LYPD6B: variants seen among roughly 807,000 people sequenced by gnomAD.
The protein encoded by LYPD6B is LY6/PLAUR domain containing 6B.
In LYPD6B, 17 loss-of-function variants were observed where a neutral mutation model predicts 22.8. That is an observed-to-expected ratio of 0.75 (90% CI 0.51 to 1.12). The LOEUF is 1.12. Among genes scored for constraint, LYPD6B ranks in the 50% most tolerant of loss-of-function variants. The pLI, the probability that LYPD6B is intolerant of heterozygous loss-of-function variation, is 0.00. For missense variants in LYPD6B, 221 were observed against 258.3 expected (o/e 0.86, Z 0.99); for synonymous variants, 106 against 91.6 (o/e 1.16, Z -0.90).
chr2:149,113,989 G>T (rs894661134), intron 1 of LYPD6B, among the ~76,000 whole-genome samples: 1 of 152,166 alleles, frequency 6.6e-6, no homozygotes, highest in Admixed American at 6.5e-5. Flanking sequence ...ATTTGGGTAT[G>T]TGCCATTTAT....
chr2:149,189,342 T>TATATA (rs1692328364), intron 3 of LYPD6B, among the ~76,000 whole-genome samples: 1 of 66,114 alleles, frequency 1.5e-5, no homozygotes, highest in Non-Finnish European at 2.9e-5. Flanking sequence ...TTGTCCAAAA[T>TATATA]TATATATATA....
At chr2:149,205,074 G>A (rs1015729635) in intron 3 of LYPD6B, 179 bp from the exon 4 acceptor site, 68 of 611,312 alleles carry the variant, frequency 1.1e-4, no homozygotes, top group Middle Eastern at 8.8e-4. Context: ...AGTAGAAGGA[G>A]GTCATTACTT....
intron 1 of LYPD6B, among the ~76,000 whole-genome samples, chr2:149,092,217 TG>T (rs368856985): frequency 9.5e-4 from 144 of 152,058 alleles, no homozygotes; most frequent in African/African-American, 3.4e-3. Context: ...ATGTCAAAGA[TG>T]AAGACAGGGT....
chr2:149,132,743 T>C (rs182227775), intron 2 of LYPD6B, among the ~76,000 whole-genome samples: 2 of 152,338 alleles, frequency 1.3e-5, no homozygotes, highest in Admixed American at 6.5e-5. Context: ...AATGAATTGC[T>C]AGGGCTCTGC....
intron 2 of LYPD6B, among the ~76,000 whole-genome samples, chr2:149,133,385 A>G (rs985883173): frequency 5.9e-5 from 9 of 152,240 alleles, no homozygotes; most frequent in African/African-American, 2.2e-4. Flanking sequence ...TAATTAGTGG[A>G]TCTTAGTACC....
At chr2:149,160,041 C>G (rs181737827) in intron 2 of LYPD6B, among the ~76,000 whole-genome samples, 77 of 152,112 alleles carry the variant, frequency 5.1e-4, no homozygotes, top group African/African-American at 1.9e-3. Context: ...GAAGTCCCAA[C>G]TACTCAAGAG....
intron 3 of LYPD6B, among the ~76,000 whole-genome samples, chr2:149,194,305 G>C (rs1355751981): frequency 6.6e-6 from 1 of 152,108 alleles, no homozygotes; most frequent in African/African-American, 2.4e-5. Flanking sequence ...TAATACCTCT[G>C]CTAAAACAAG....
chr2:149,136,758 A>G (rs1688396237), intron 2 of LYPD6B, among the ~76,000 whole-genome samples: 1 of 152,246 alleles, frequency 6.6e-6, no homozygotes, highest in African/African-American at 2.4e-5. Flanking sequence ...AAAAATGTGA[A>G]TACTGGTCAA....
chr2:149,122,221 C>T (rs772988787), intron 1 of LYPD6B, among the ~76,000 whole-genome samples: 4 of 152,014 alleles, frequency 2.6e-5, no homozygotes, highest in Admixed American at 6.6e-5. Flanking sequence ...TCAGCACTGC[C>T]GAGATCGTGT....
At chr2:149,107,789 A>T (rs1414429377) in intron 1 of LYPD6B, among the ~76,000 whole-genome samples, 1 of 152,192 alleles carries the variant, frequency 6.6e-6, no homozygotes, top group Admixed American at 6.5e-5. Flanking sequence ...CAGAAAATAT[A>T]TTCCATCTTG....
chr2:149,137,391 T>C (rs1049319223), intron 2 of LYPD6B, among the ~76,000 whole-genome samples: 7 of 152,152 alleles, frequency 4.6e-5, no homozygotes, highest in Non-Finnish European at 7.4e-5. Flanking sequence ...CATTTAAGGG[T>C]ATATCTGGCT....
chr2:149,106,637 T>C (rs1686485927), intron 1 of LYPD6B, among the ~76,000 whole-genome samples: 1 of 152,204 alleles, frequency 6.6e-6, no homozygotes, highest in Non-Finnish European at 1.5e-5. Flanking sequence ...GTTTCCTTCC[T>C]CCTTTTTGAT....
chr2:149,075,885 C>A (rs1054592247), intron 1 of LYPD6B, among the ~76,000 whole-genome samples: 1 of 152,146 alleles, frequency 6.6e-6, no homozygotes, highest in African/African-American at 2.4e-5. Context: ...TGCTTGTGTT[C>A]GGCAGTGTTG....
chr2:149,187,627 G>A, intron 3 of LYPD6B: 2 of 1,073,548 alleles, frequency 1.9e-6, no homozygotes, highest in Non-Finnish European at 2.5e-6. Flanking sequence ...AACGTATTTA[G>A]TAACTTAAGC....
intron 1 of LYPD6B, among the ~76,000 whole-genome samples, chr2:149,070,761 A>G (rs906206660): frequency 1.3e-5 from 2 of 152,208 alleles, no homozygotes; most frequent in African/African-American, 2.4e-5. Flanking sequence ...GTTGGTAATC[A>G]TAGGAAGTAA....
chr2:149,100,216 ACCCCAGAAT>A (rs1686125755), intron 1 of LYPD6B, among the ~76,000 whole-genome samples: 1 of 151,786 alleles, frequency 6.6e-6, no homozygotes, highest in Non-Finnish European at 1.5e-5. Flanking sequence ...CCCAGGTGTA[ACCCCAGAAT>A]CCTTCTTAAC....
At chr2:149,087,007 A>G (rs560735362) in intron 1 of LYPD6B, among the ~76,000 whole-genome samples, 1 of 150,022 alleles carries the variant, frequency 6.7e-6, no homozygotes, top group Non-Finnish European at 1.5e-5. Context: ...GTAAGAAGGT[A>G]TTTTTTTTTT....
intron 1 of LYPD6B, among the ~76,000 whole-genome samples, chr2:149,104,776 C>A (rs921888717): frequency 6.6e-6 from 1 of 152,060 alleles, no homozygotes; most frequent in Non-Finnish European, 1.5e-5. Context: ...TGTAAGAAAT[C>A]TTTGCCTAAC....
chr2:149,140,484 T>C (rs914366566), intron 2 of LYPD6B, among the ~76,000 whole-genome samples: 9 of 152,140 alleles, frequency 5.9e-5, no homozygotes, highest in Non-Finnish European at 1.2e-4. Flanking sequence ...GTTGAACTTG[T>C]AGGAATCAGG....
Sources: gnomAD v4.1 joint callset for allele counts (sites outside exome capture counted in the v4.1 genomes callset) on GRCh38, gnomAD v4.1.1 for gene constraint, MANE v1.5 for transcripts, NCBI Gene and HGNC (gene_info 2026-07-23, HGNC 2026-07-21) for gene names.